The following URB2 variants were observed in gnomAD, a reference collection of about 807,000 sequenced individuals.
The protein encoded by URB2 is unhealthy ribosome biogenesis protein 2 homolog.
In URB2, 86 loss-of-function variants were observed where a neutral mutation model predicts 120.9. The observed-to-expected ratio is 0.71, with a 90% confidence interval of 0.60 to 0.85. The LOEUF (loss-of-function observed/expected upper bound fraction) is 0.85. URB2 is among the 40% of genes least tolerant of loss of function. URB2 has a pLI of 0.00. For synonymous variants in URB2, 755 were observed against 758.4 expected (o/e 1.00, Z 0.07); for missense variants, 1,765 against 1,836.5 (o/e 0.96, Z 0.71).
At chr1:229,650,514 T>C (rs1666242808) in intron 7 of URB2, among the ~76,000 whole-genome samples, 1 of 152,088 alleles carries the variant, frequency 6.6e-6, no homozygotes, top group Non-Finnish European at 1.5e-5. Flanking sequence ...CACTGTAACC[T>C]CTGTCTCCTG....
chr1:229,648,408 T>TA (rs1170894731), intron 7 of URB2, among the ~76,000 whole-genome samples: 1 of 152,164 alleles, frequency 6.6e-6, no homozygotes, highest in Non-Finnish European at 1.5e-5. Context: ...CGTCTTTAAA[T>TA]AAGCCACTCG....
At chr1:229,639,679 C>T (rs1319385490) in intron 4 of URB2, among the ~76,000 whole-genome samples, 1 of 152,216 alleles carries the variant, frequency 6.6e-6, no homozygotes, top group South Asian at 2.1e-4. Context: ...TCCTTGAGGA[C>T]AGGACTGTGC....
At chr1:229,641,946 G>T (rs1273048214) in intron 4 of URB2, among the ~76,000 whole-genome samples, 1 of 152,124 alleles carries the variant, frequency 6.6e-6, no homozygotes, top group Non-Finnish European at 1.5e-5. Flanking sequence ...AGAGGTCGAG[G>T]CTGCAGTGAT....
intron 8 of URB2, among the ~76,000 whole-genome samples, chr1:229,653,121 G>A (rs1478942374): frequency 6.6e-6 from 1 of 152,178 alleles, no homozygotes; most frequent in African/African-American, 2.4e-5. Flanking sequence ...GTCAATGTTA[G>A]ATATTAAAGC....
chr1:229,627,019 A>G (rs1020768429), intron 1 of URB2, among the ~76,000 whole-genome samples: 1 of 152,094 alleles, frequency 6.6e-6, no homozygotes, highest in African/African-American at 2.4e-5. Context: ...TATGTTTGCT[A>G]CCCCCGAGAT....
At chr1:229,634,770 G>T in intron 3 of URB2, 147 bp from the exon 4 acceptor site, 1 of 683,646 alleles carries the variant, frequency 1.5e-6, no homozygotes, top group Non-Finnish European at 2.2e-6. Context: ...CTTATGTCAG[G>T]TTCATTGAAA....
At chr1:229,653,936 GTTTTTTTT>G (rs760894683) in intron 8 of URB2, among the ~76,000 whole-genome samples, 1 of 60,554 alleles carries the variant, frequency 1.7e-5, no homozygotes, top group African/African-American at 6.7e-5. Flanking sequence ...CCATCTTGGT[GTTTTTTTT>G]TTTTTTTTTT....
At position 229,635,708 on chromosome 1, in the gene URB2, C is replaced by G; in HGVS notation, c.1095C>G (p.Asn365Lys). Reference sequence around the variant, plus strand: ...TTTTGGTTGTGGAACAGCTACTAAACTCAGTGGCCAACAACAATATCTACA... The same window carrying G: ...TTTTGGTTGTGGAACAGCTACTAAAGTCAGTGGCCAACAACAATATCTACA... ...TELLVVEQLL[N>K]SVANNNIYNI... is the part of the protein sequence containing the mutation. Residue 365 changes from asparagine to lysine, a missense_variant, in exon 4 of 10, where the codon AAC (asparagine) becomes AAG (lysine). Transcript: ENST00000258243. The G allele has an allele frequency of 6.2e-7, 1 of 1,614,188 alleles. No homozygotes were observed. The highest frequency in any genetic ancestry group is 1.3e-5 in the African/African-American group (1 of 75,062).
chr1:229,658,089 C>T (rs982345362), intron 9 of URB2, among the ~76,000 whole-genome samples: 6 of 152,144 alleles, frequency 3.9e-5, no homozygotes, highest in Non-Finnish European at 5.9e-5. Flanking sequence ...TATGTGTGCA[C>T]TTCAGTAGTA....
chr1:229,644,967 A>T (rs12406702), intron 5 of URB2, among the ~76,000 whole-genome samples: 59,028 of 152,116 alleles, frequency 0.39, 12,011 homozygotes, highest in South Asian at 0.48. Flanking sequence ...TAAGTATTAC[A>T]TATTCACAAT....
intron 2 of URB2, 36 bp downstream of exon 2, chr1:229,627,795 G>A (rs1558159823): frequency 6.4e-7 from 1 of 1,572,074 alleles, no homozygotes; most frequent in Admixed American, 1.9e-5. Flanking sequence ...TTTACAGTCT[G>A]TCAAGATAAT....
chr1:229,645,732 C>T (rs1666126656), intron 5 of URB2, 127 bp from the exon 6 acceptor site: 1 of 790,842 alleles, frequency 1.3e-6, no homozygotes, highest in Non-Finnish European at 2.2e-6. Context: ...TTGTCCACCT[C>T]CCCTGACACC....
chr1:229,636,483 T>C lies in URB2; in HGVS notation c.1870T>C (p.Cys624Arg), dbSNP rs144310036. ...GGTGGACGCTATGTTCAGTTTGAAC[T>C]GTAGCCAGTATCACTCTATGTCTGG... is the stretch of plus-strand genomic sequence containing the variant. ...AQVDAMFSLN[C>R]SQYHSMSGPL... is the part of the protein sequence containing the mutation. The change falls in exon 4 of 10, where the codon TGT (cysteine) becomes CGT (arginine). Residue 624 changes from cysteine (C) to arginine (R), a missense_variant. Transcript: ENST00000258243. The C allele has an allele frequency of 1.2e-6, 2 of 1,614,232 alleles. No individual in the cohort carries two copies. The highest frequency in any genetic ancestry group is 3.3e-5 in the Admixed American group (2 of 60,030).
At position 229,659,334 on chromosome 1, in the gene URB2, A is replaced by T. The variant is rs1666471407; in HGVS notation, c.*37A>T. On this transcript the variant is annotated 3_prime_UTR_variant, in exon 10 of 10. Transcript: ENST00000258243. Reference sequence around the variant, plus strand: ...AGAAGTGCCGCCAGTGACACTGTCCAGAGGCTTTGGCTGCATGGTCTGAAA... The same window carrying T: ...AGAAGTGCCGCCAGTGACACTGTCCTGAGGCTTTGGCTGCATGGTCTGAAA... 6.3e-7 allele frequency: 1 copy of T among 1,598,286 alleles called. No individual in the cohort carries two copies. Among genetic ancestry groups the T allele is most frequent in the Non-Finnish European group, 8.6e-7 (1 of 1,168,180 alleles).
chr1:229,652,182 C>CA (rs920988134), intron 8 of URB2, among the ~76,000 whole-genome samples: 58 of 121,958 alleles, frequency 4.8e-4, no homozygotes, highest in Admixed American at 1.9e-3. Context: ...ACTCTGTCTC[C>CA]AAAAAAAAAT....
At chr1:229,647,780 A>T (rs1265515938) in intron 7 of URB2, 28 bp downstream of exon 7, 1 of 1,602,876 alleles carries the variant, frequency 6.2e-7, no homozygotes, top group African/African-American at 1.3e-5. Flanking sequence ...AGTGGCAGGC[A>T]GCTTTTCCTC....
intron 8 of URB2, among the ~76,000 whole-genome samples, chr1:229,653,622 C>A (rs1227080440): frequency 6.6e-6 from 1 of 152,128 alleles, no homozygotes; most frequent in Non-Finnish European, 1.5e-5. Flanking sequence ...TGGGGACACT[C>A]ATGCAATTAG....
At position 229,637,190 on chromosome 1, in the gene URB2, TGGACCCGAA is replaced by T; in HGVS notation, c.2580_2588del (p.Pro861_Gly863del). The T allele has an allele frequency of 6.2e-7, 1 of 1,613,862 alleles. No individual in the cohort carries two copies. On this transcript the variant is annotated inframe_deletion, in exon 4 of 10. Transcript: ENST00000258243. ...ATTGGGAAAACAGATTTGCAAAAGC[TGGACCCGAA>T]GGTATAGAACCTAGAGGAGAAATTG...
chr1:229,642,171 C>T (rs1057472988), intron 4 of URB2, among the ~76,000 whole-genome samples: 6 of 152,104 alleles, frequency 3.9e-5, no homozygotes, highest in African/African-American at 1.4e-4. Flanking sequence ...CGAACCAGAG[C>T]GATGGGACTC....
Sources: allele counts gnomAD v4.1 joint callset (sites outside exome capture counted in the v4.1 genomes callset), GRCh38; gene constraint gnomAD v4.1.1; transcripts MANE v1.5; gene names NCBI Gene and HGNC (gene_info 2026-07-23, HGNC 2026-07-21).